Variants in OSGIN1 observed in about 807,000 individuals in gnomAD.
OSGIN1 encodes oxidative stress-induced growth inhibitor 1.
In OSGIN1, 19 loss-of-function variants were observed where a neutral mutation model predicts 20.1. The ratio of observed to expected loss-of-function variants is 0.95; its 90% confidence interval spans 0.66 to 1.39. The LOEUF is 1.39. Ranked by LOEUF, OSGIN1 falls within the 40% of genes most tolerant of loss-of-function variation. OSGIN1 has a pLI of 0.00. For missense variants in OSGIN1, 820 were observed against 653.0 expected (o/e 1.26, Z -2.79); for synonymous variants, 368 against 297.8 (o/e 1.24, Z -2.43).
intron 2 of OSGIN1, among the ~76,000 whole-genome samples, 187 bp from the exon 3 acceptor site, chr16:83,959,073 G>C (rs1012555965): frequency 1.3e-5 from 2 of 152,188 alleles, no homozygotes; most frequent in African/African-American, 4.8e-5. Context: ...CTCAGCAGTT[G>C]TTCATTCCTT....
chr16:83,961,374 G>A, intron 5 of OSGIN1: 1 of 393,550 alleles, frequency 2.5e-6, no homozygotes, highest in Non-Finnish European at 4.7e-6. Context: ...CCAGGTCGCA[G>A]GTAGGTGAGA....
At chr16:83,954,170 G>C (rs1197577589) in intron 1 of OSGIN1, 2 of 152,234 alleles carry the variant, frequency 1.3e-5, no homozygotes, top group African/African-American at 4.8e-5. Flanking sequence ...CTGCACAATG[G>C]GGATAAGAAC....
At chr16:83,963,678 C>T (rs1316643336) in intron 5 of OSGIN1, among the ~76,000 whole-genome samples, 1 of 152,140 alleles carries the variant, frequency 6.6e-6, no homozygotes, top group Non-Finnish European at 1.5e-5. Context: ...ACTGGCACGG[C>T]CTTGGGGGTC....
Position 83,965,114 on chromosome 16 carries a change from G to A in OSGIN1, c.541G>A (p.Asp181Asn). ...CGGGGACATCGCCCACTACTACAGGGACTACGTGGTCAAGAAGGGTCTGGG... is the reference window on the plus strand; with the variant it reads ...CGGGGACATCGCCCACTACTACAGGAACTACGTGGTCAAGAAGGGTCTGGG... ...TAGDIAHYYR[D>N]YVVKKGLGHN... The change falls in exon 6 of 6, where the codon GAC becomes AAC. Residue 181 changes from aspartate to asparagine, a missense_variant. Coordinates refer to ENST00000393306, the MANE Select transcript of OSGIN1 (RefSeq NM_182981.3). 2 of 1,613,228 alleles carry A rather than the reference G, an allele frequency of 1.2e-6. No homozygotes were observed. The highest frequency in any genetic ancestry group is 1.7e-6 in the Non-Finnish European group (2 of 1,179,852).
In OSGIN1 at chr16:83,965,826, A is replaced by G. The variant is rs200711488; in HGVS notation, c.1253A>G (p.Gln418Arg). 1.1e-3 allele frequency: 1,792 copies of G among 1,612,900 alleles called. 2 individuals are homozygous for G. Among genetic ancestry groups the G allele is most frequent in the Non-Finnish European group, 1.4e-3 (1,660 of 1,179,970 alleles). The change falls in exon 6 of 6, where the codon CAG becomes CGG. Residue 418 changes from glutamine (Q) to arginine (R), a missense_variant. By Grantham distance (43) the Gln-to-Arg change is conservative. Coordinates refer to ENST00000393306, the MANE Select transcript of OSGIN1 (RefSeq NM_182981.3). Reference sequence around the variant, plus strand: ...GCTGACTTTGCAGTGGATCCTGACCAGCCGCTGAGCGCCAAGAGGAACCCC... The same window carrying G: ...GCTGACTTTGCAGTGGATCCTGACCGGCCGCTGAGCGCCAAGAGGAACCCC... Reference protein sequence around the residue: ...AGADFAVDPDQPLSAKRNPID... With the variant: ...AGADFAVDPDRPLSAKRNPID...
chr16:83,962,361 C>G (rs878875779), intron 5 of OSGIN1, among the ~76,000 whole-genome samples: 3 of 152,208 alleles, frequency 2.0e-5, no homozygotes, highest in Non-Finnish European at 4.4e-5. Context: ...GCCCCAGCCT[C>G]CCGAGTAGCT....
At chr16:83,953,649 G>T (rs1336649485) in intron 1 of OSGIN1, among the ~76,000 whole-genome samples, 1 of 152,242 alleles carries the variant, frequency 6.6e-6, no homozygotes, top group East Asian at 1.9e-4. Flanking sequence ...TGGGCCATGT[G>T]ACCGCCGCTC....
At chr16:83,961,699 A>C (rs2084215701) in intron 5 of OSGIN1, among the ~76,000 whole-genome samples, 1 of 152,154 alleles carries the variant, frequency 6.6e-6, no homozygotes, top group Non-Finnish European at 1.5e-5. Flanking sequence ...GGGGGTGAGC[A>C]GCAGAGCTGG....
intron 5 of OSGIN1, among the ~76,000 whole-genome samples, chr16:83,964,297 C>G (rs1389672268): frequency 7.1e-6 from 1 of 140,470 alleles, no homozygotes; most frequent in Admixed American, 6.7e-5. Flanking sequence ...GAGTGAGACT[C>G]TGTCTCAAAA....
In OSGIN1 at chr16:83,965,089, C is replaced by T. The variant is rs76469730; in HGVS notation, c.516C>T (p.Ala172=). ...RRGLRNSRAT[A]GDIAHYYRDY... ...GTCTTCGCAACAGCCGGGCCACTGC[C>T]GGGGACATCGCCCACTACTACAGGG... The change falls in exon 6 of 6, where the codon GCC becomes GCT. Residue 172 remains alanine (A), a synonymous_variant. Transcript: ENST00000393306. 1.1e-3 allele frequency: 1,821 copies of T among 1,605,886 alleles called. 15 individuals are homozygous for T. In the African/African-American group the frequency reaches 0.02, roughly 18 times the overall value.
intron 1 of OSGIN1, chr16:83,954,113 G>A (rs907032): frequency 2.0e-5 from 3 of 152,102 alleles, no homozygotes; most frequent in African/African-American, 7.3e-5. Context: ...ACCCTCCTAG[G>A]TGACCTGGGG....
chr16:83,961,285 A>G lies in OSGIN1; in HGVS notation c.488+213A>G, dbSNP rs1217482048. 1.6e-5 allele frequency: 9 copies of G among 547,180 alleles called. No homozygotes were observed. The East Asian group carries it at 2.8e-4, about 17-fold the overall frequency. 33.9% of individuals were successfully genotyped at this position (547,180 alleles called of 1,614,324 possible). A position where few individuals can be genotyped will look rare whatever the true frequency, so the allele number is the denominator to read the frequency against. ...TTAGGGAGACATGAGACATCAATCA[A>G]TATTTGTAAGAAGTACATTGGTTCG... On this transcript the variant is annotated intron_variant, in intron 5 of 5. Transcript: ENST00000393306.
Position 83,965,512 on chromosome 16 carries a change from T to C in OSGIN1, c.939T>C (p.His313=), listed in dbSNP as rs1406173774. ...GCCACTACAACATCCCGGTGATCCA[T>C]GCCTTCCGCCGGGCCGTGGACGACC... ...YARHYNIPVI[H]AFRRAVDDPG... The change falls in exon 6 of 6, where the codon CAT becomes CAC. Residue 313 remains histidine (H), a synonymous_variant. Coordinates refer to ENST00000393306, the MANE Select transcript of OSGIN1 (RefSeq NM_182981.3). 1.9e-6 allele frequency: 3 copies of C among 1,612,184 alleles called. No homozygotes were observed. The highest frequency in any genetic ancestry group is 1.1e-5 in the South Asian group (1 of 91,090).
Position 83,957,627 on chromosome 16 carries a change from T to C in OSGIN1, c.-32-13T>C. On this transcript the variant is annotated splice_polypyrimidine_tract_variant and intron_variant, in intron 1 of 5. Transcript: ENST00000393306. ...CCCGAATGGACTCTTCCTTCCCCTCTCCCCCACTCCAGGTCCGCTGCCAGC... is the reference window on the plus strand; with the variant it reads ...CCCGAATGGACTCTTCCTTCCCCTCCCCCCCACTCCAGGTCCGCTGCCAGC... 1 of 1,357,834 alleles carries C rather than the reference T, an allele frequency of 7.4e-7. No individual in the cohort carries two copies. The allele number at this position is 1,357,834 out of a possible 1,614,324, so 84.1% of individuals were successfully genotyped here. A position where few individuals can be genotyped will look rare whatever the true frequency, so the allele number is the denominator to read the frequency against.
At chr16:83,964,310 T>TTAAAA (rs1555544650) in intron 5 of OSGIN1, among the ~76,000 whole-genome samples, 245 of 151,364 alleles carry the variant, frequency 1.6e-3, no homozygotes, top group East Asian at 3.5e-3. Context: ...TCTCAAAAAA[T>TTAAAA]TAAAATAAAA....
intron 1 of OSGIN1, among the ~76,000 whole-genome samples, chr16:83,953,779 G>C (rs1230924269): frequency 2.0e-5 from 3 of 152,092 alleles, no homozygotes. Context: ...AGGAGGGACA[G>C]AGCCCTTGGG....
intron 5 of OSGIN1, among the ~76,000 whole-genome samples, chr16:83,963,159 C>T (rs1207055851): frequency 6.6e-6 from 1 of 152,184 alleles, no homozygotes; most frequent in Admixed American, 6.5e-5. Flanking sequence ...CTCTTTGATG[C>T]GAAGACTCTT....
intron 1 of OSGIN1, among the ~76,000 whole-genome samples, chr16:83,956,430 G>T (rs1349094576): frequency 6.6e-6 from 1 of 152,198 alleles, no homozygotes; most frequent in Non-Finnish European, 1.5e-5. Context: ...GTGGCCCTGG[G>T]CCCCCACCCC....
At chr16:83,960,338 T>G (rs2550441) in intron 3 of OSGIN1, among the ~76,000 whole-genome samples, 1 of 152,098 alleles carries the variant, frequency 6.6e-6, no homozygotes, top group Non-Finnish European at 1.5e-5. Flanking sequence ...AGGCAATCGC[T>G]CCAGTCTCAC....
Sources: gnomAD v4.1 joint callset for allele counts (sites outside exome capture counted in the v4.1 genomes callset) on GRCh38, gnomAD v4.1.1 for gene constraint, MANE v1.5 for transcripts, NCBI Gene and HGNC (gene_info 2026-07-23, HGNC 2026-07-21) for gene names.